Variants in ARHGEF10L observed in about 807,000 individuals in gnomAD.
ARHGEF10L encodes Rho guanine nucleotide exchange factor 10 like.
In ARHGEF10L, 69 loss-of-function variants were observed where a neutral mutation model predicts 141.2. The observed-to-expected ratio is 0.49, with a 90% CI of 0.40 to 0.60. ARHGEF10L has a LOEUF of 0.60. Among genes scored for constraint, ARHGEF10L ranks in the 20% least tolerant of loss-of-function variants. The pLI is 0.00. For missense variants in ARHGEF10L, 1,482 were observed against 1,734.3 expected, an observed-to-expected ratio of 0.85 and a Z score of 2.58; for synonymous variants, 711 against 718.5, an observed-to-expected ratio of 0.99 and a Z score of 0.17.
chr1:17,531,724 G>C, the ARHGEF10L span, among the ~76,000 whole-genome samples: 2 of 152,240 alleles, frequency 1.3e-5, no homozygotes, highest in South Asian at 4.2e-4. Flanking sequence ...GGTCCAAAAA[G>C]CCAGTCTATA....
intron 1 of ARHGEF10L, among the ~76,000 whole-genome samples, chr1:17,556,592 A>G (rs1470747894): frequency 6.6e-6 from 1 of 152,156 alleles, no homozygotes; most frequent in Non-Finnish European, 1.5e-5. Flanking sequence ...CAGAAGGCGC[A>G]GTGTGTGCGA....
chr1:17,543,083 T>C (rs914021837), intron 1 of ARHGEF10L, among the ~76,000 whole-genome samples: 6 of 152,214 alleles, frequency 3.9e-5, no homozygotes, highest in African/African-American at 1.4e-4. Context: ...CAGAGAGTTC[T>C]TCTTCTCTCT....
In ARHGEF10L at chr1:17,648,623, C is replaced by T. The variant is rs368062395; in HGVS notation, c.2342C>T (p.Pro781Leu). 1.1e-5 allele frequency: 18 copies of T among 1,613,236 alleles called. No individual in the cohort carries two copies. The highest frequency in any genetic ancestry group is 4.0e-5 in the African/African-American group (3 of 74,904). Residue 781 changes from proline to leucine, a missense_variant, in exon 22 of 29, where the codon CCG becomes CTG. Around this residue, in one of 3 missense-constraint regions of ARHGEF10L, gnomAD observed 858 missense variants for 966.3 expected, o/e 0.89. Transcript: ENST00000361221. ...DKKSKAPFWC[P>L]ILACCIPAFS... Reference sequence around the variant, plus strand: ...AAGAGCAAAGCCCCATTCTGGTGCCCGATCCTGGCCTGCTGCATCCCTGCC... The same window carrying T: ...AAGAGCAAAGCCCCATTCTGGTGCCTGATCCTGGCCTGCTGCATCCCTGCC...
chr1:17,635,123 G>A (rs1335872884), intron 18 of ARHGEF10L, 107 bp downstream of exon 18: 22 of 1,362,820 alleles, frequency 1.6e-5, no homozygotes, highest in Admixed American at 2.6e-5. Flanking sequence ...CCCCTACATA[G>A]GCTGATGGGT....
At chr1:17,561,824 T>C (rs1264083128) in intron 1 of ARHGEF10L, among the ~76,000 whole-genome samples, 1 of 152,218 alleles carries the variant, frequency 6.6e-6, no homozygotes, top group Non-Finnish European at 1.5e-5. Flanking sequence ...GGCTCTGAGA[T>C]GGCAGTGCCT....
At chr1:17,661,709 A>G (rs2062636251) in intron 25 of ARHGEF10L, among the ~76,000 whole-genome samples, 1 of 152,196 alleles carries the variant, frequency 6.6e-6, no homozygotes. Flanking sequence ...TAGCAGCCTA[A>G]TTAGACTCCA....
Position 17,607,677 on chromosome 1 carries a change from C to T in ARHGEF10L, c.434-125C>T, listed in dbSNP as rs2081300394. On this transcript the variant is annotated intron_variant, in intron 6 of 28. Coordinates refer to ENST00000361221, the MANE Select transcript of ARHGEF10L (RefSeq NM_018125.4). This position sits in a 1 kb window ranked among gnomAD's most constrained non-coding sequence, Gnocchi z 4.5. ...GGTTGAGGAGGTAGAGCTGGAGCCC[C>T]AGGGCCCCCATGTTCTCCCTGACCC... 1.0e-6 allele frequency: 1 copy of T among 954,936 alleles called. No homozygotes were observed. The highest frequency in any genetic ancestry group is 1.4e-6 in the Non-Finnish European group (1 of 692,804). 59.2% of individuals were successfully genotyped at this position (954,936 alleles called of 1,614,324 possible).
At chr1:17,553,986 A>G (rs1350444323) in intron 1 of ARHGEF10L, among the ~76,000 whole-genome samples, 8 of 152,170 alleles carry the variant, frequency 5.3e-5, no homozygotes, top group African/African-American at 7.2e-5. Context: ...CCAAGGGTCA[A>G]GTGATTGCAT....
intron 26 of ARHGEF10L, among the ~76,000 whole-genome samples, chr1:17,671,236 A>T (rs2063304969): frequency 1.3e-5 from 2 of 151,898 alleles, no homozygotes. Context: ...GGAAGGTGAG[A>T]TTCGGGGGGT....
upstream of ARHGEF10L, among the ~76,000 whole-genome samples, chr1:17,537,854 C>CGAAAA (rs2076597948): frequency 1.3e-5 from 1 of 79,844 alleles, no homozygotes; most frequent in Non-Finnish European, 2.4e-5. Flanking sequence ...ACCATCTCTA[C>CGAAAA]AAAAAAAAAA....
intron 26 of ARHGEF10L, among the ~76,000 whole-genome samples, chr1:17,680,760 T>A (rs905828400): frequency 3.9e-4 from 59 of 150,412 alleles, no homozygotes; most frequent in African/African-American, 9.5e-4. Context: ...TTTTTTTTTT[T>A]AAATTACTTT....
chr1:17,693,305 G>A (rs2065238732), intron 27 of ARHGEF10L, among the ~76,000 whole-genome samples: 1 of 152,178 alleles, frequency 6.6e-6, no homozygotes, highest in Admixed American at 6.5e-5. Flanking sequence ...CTTAAGACAG[G>A]ACTCTATGTA....
rs901047100 is a variant in ARHGEF10L at position 17,632,248 on chromosome 1, G to A, written c.1585-73G>A. The A allele has an allele frequency of 1.2e-5, 19 of 1,586,038 alleles. No individual in the cohort carries two copies. The East Asian group carries it at 3.8e-4, about 32-fold the overall frequency. ...AGTCTCCCTTTCTGCACCATGGGAGGATTCTGGGTCTCCGGCGCGGTAAAG... is the reference window on the plus strand; with the variant it reads ...AGTCTCCCTTTCTGCACCATGGGAGAATTCTGGGTCTCCGGCGCGGTAAAG... On this transcript the variant is annotated intron_variant, in intron 15 of 28. Coordinates refer to ENST00000361221, the MANE Select transcript of ARHGEF10L (RefSeq NM_018125.4).
chr1:17,693,674 T>A (rs2065270900), intron 27 of ARHGEF10L, among the ~76,000 whole-genome samples: 1 of 152,118 alleles, frequency 6.6e-6, no homozygotes, highest in African/African-American at 2.4e-5. Flanking sequence ...GGGCCGGCAT[T>A]TGTGTCTTGC....
chr1:17,579,407 C>A (rs1316745199), intron 1 of ARHGEF10L, among the ~76,000 whole-genome samples: 1 of 152,160 alleles, frequency 6.6e-6, no homozygotes, highest in Non-Finnish European at 1.5e-5. Flanking sequence ...AGCACAGACT[C>A]CAGAGCCCCA....
chr1:17,587,049 C>G (rs941647988), intron 2 of ARHGEF10L, among the ~76,000 whole-genome samples: 1 of 152,236 alleles, frequency 6.6e-6, no homozygotes, highest in Non-Finnish European at 1.5e-5. Flanking sequence ...GATGCGCTGT[C>G]TGTGCTCATT....
chr1:17,539,835 G>T lies in ARHGEF10L; in HGVS notation c.-159G>T, dbSNP rs1239402893. Reference sequence around the variant, plus strand: ...GGTGGCGGCGGCTGCGGCGGTGGGGGCGCCGTCCCGGCCATGGGCGCCCGC... The same window carrying T: ...GGTGGCGGCGGCTGCGGCGGTGGGGTCGCCGTCCCGGCCATGGGCGCCCGC... On this transcript the variant is annotated 5_prime_UTR_variant, in exon 1 of 29. Coordinates refer to ENST00000361221, the MANE Select transcript of ARHGEF10L (RefSeq NM_018125.4). This position sits in a 1 kb window ranked among gnomAD's most constrained non-coding sequence, Gnocchi z 6.0. 1 of 147,310 alleles carries T rather than the reference G, an allele frequency of 6.8e-6. No individual in the cohort carries two copies. The highest frequency in any genetic ancestry group is 2.0e-4 in the East Asian group (1 of 5,046). The allele number at this position is 147,310 out of a possible 1,614,324, so 9.1% of individuals were successfully genotyped here.
chr1:17,614,080 C>T (rs1208631538), intron 8 of ARHGEF10L, among the ~76,000 whole-genome samples: 2 of 152,216 alleles, frequency 1.3e-5, no homozygotes, highest in African/African-American at 2.4e-5. Flanking sequence ...GTGTCAAGTA[C>T]CCGGCTAGTG....
rs963565260 is a variant in ARHGEF10L at position 17,697,521 on chromosome 1, C to T, written c.*141C>T. The stretch of plus-strand genomic sequence containing the variant: ...ACTTGGGCAGAGCAAAGGAAAACCT[C>T]TTGTTTTAAAAAAATTTTTTTCAGA... On this transcript the variant is annotated 3_prime_UTR_variant, in exon 29 of 29. Transcript: ENST00000361221. The surrounding 1 kb of genome is among the most constrained non-coding windows in gnomAD (Gnocchi z 4.8). The T allele has an allele frequency of 2.4e-6, 3 of 1,231,324 alleles. No individual in the cohort carries two copies. The highest frequency in any genetic ancestry group is 3.1e-5 in the African/African-American group (2 of 65,458). The allele number at this position is 1,231,324 out of a possible 1,614,324, so 76.3% of individuals were successfully genotyped here. A position where few individuals can be genotyped will look rare whatever the true frequency, so the allele number is the denominator to read the frequency against.
Sources: gnomAD v4.1 joint callset for allele counts (sites outside exome capture counted in the v4.1 genomes callset) on GRCh38, gnomAD v4.1.1 for gene constraint, gnomAD v4.1.1 regional missense constraint, Gnocchi (gnomAD v3.1) non-coding constraint, MANE v1.5 for transcripts, NCBI Gene and HGNC (gene_info 2026-07-23, HGNC 2026-07-21) for gene names.